CXCR4: variants seen among roughly 807,000 people sequenced by gnomAD.
CXCR4 encodes C-X-C motif chemokine receptor 4, also known as C-X-C chemokine receptor type 4.
CXCR4 carries 6 observed loss-of-function variants against 22.4 expected under a neutral mutation model. The observed-to-expected ratio is 0.27, with a 90% CI of 0.15 to 0.53. The LOEUF (loss-of-function observed/expected upper bound fraction) is 0.53, where lower values mean the gene tolerates loss of function less well. Ranked by LOEUF, CXCR4 falls within the 20% of genes least tolerant of loss-of-function variation. The pLI, the probability that CXCR4 is intolerant of heterozygous loss-of-function variation, is 0.96. For synonymous variants in CXCR4, 155 were observed against 171.7 expected (o/e 0.90, Z 0.76); for missense variants, 300 against 430.4 (o/e 0.70, Z 2.68).
Position 136,118,026 on chromosome 2 carries a change from C to A in CXCR4, c.15+20G>T, listed in dbSNP as rs771337111. On this transcript the variant is annotated intron_variant, in intron 1 of 1. Transcript: ENST00000241393. Reference sequence around the variant, plus strand: ...AAACGTTTGTACATTTATGACAAAGCAGGTTGAAACTGGACTTACACTGAT... The same window carrying A: ...AAACGTTTGTACATTTATGACAAAGAAGGTTGAAACTGGACTTACACTGAT... 6.2e-7 allele frequency: 1 copy of A among 1,613,262 alleles called. No individual in the cohort carries two copies. Among genetic ancestry groups the A allele is most frequent in the Admixed American group, 1.7e-5 (1 of 60,018 alleles).
At chr2:136,116,079 A>G (rs1221077532) in intron 1 of CXCR4, 167 bp from the exon 2 acceptor site, 26 of 1,519,496 alleles carry the variant, frequency 1.7e-5, no homozygotes, top group African/African-American at 2.8e-5. Context: ...GAATCCTACA[A>G]CTCTCCTCCC....
chr2:136,117,652 A>C (rs1316327821), intron 1 of CXCR4: 1 of 193,298 alleles, frequency 5.2e-6, no homozygotes, highest in Non-Finnish European at 1.1e-5. Flanking sequence ...AACTCGCTCC[A>C]AGACATCCCC....
chr2:136,116,280 G>A, intron 1 of CXCR4: 2 of 1,149,576 alleles, frequency 1.7e-6, no homozygotes, highest in African/African-American at 1.6e-5. Flanking sequence ...CACACAAAGA[G>A]GCCACTCCCA....
rs774159824 is a variant in CXCR4 at position 136,115,508 on chromosome 2, G to A, written c.420C>T (p.His140=). ...TCCTTGGCCTCTGACTGTTGGTGGC[G>A]TGGACGATGGCCAGGTAGCGGTCCA... The part of the protein sequence containing the change: ...ISLDRYLAIV[H]ATNSQRPRKL... The change falls in exon 2 of 2, where the codon CAC becomes CAT. Residue 140 remains histidine, a synonymous_variant. Transcript: ENST00000241393. This position sits in a 1 kb window ranked among gnomAD's most constrained non-coding sequence, Gnocchi z 6.4. The A allele has an allele frequency of 1.7e-5, 28 of 1,614,098 alleles. No individual in the cohort carries two copies. The highest frequency in any genetic ancestry group is 1.1e-4 in the African/African-American group (8 of 74,930).
rs910532454 is a variant in CXCR4, at chr2:136,115,453, C to A, written c.475G>T (p.Gly159Cys). The change falls in exon 2 of 2, where the codon GGC becomes TGC. Residue 159 changes from glycine to cysteine, a missense_variant. Around this residue, in one of 3 missense-constraint regions of CXCR4, gnomAD observed 137 missense variants for 153.2 expected, o/e 0.89. Transcript: ENST00000241393. The surrounding 1 kb of genome is among the most constrained non-coding windows in gnomAD (Gnocchi z 6.4). Reference protein sequence around the residue: ...KLLAEKVVYVGVWIPALLLTI... With the variant: ...KLLAEKVVYVCVWIPALLLTI... Reference sequence around the variant, plus strand: ...AGCAGGAGGGCAGGGATCCAGACGCCAACATAGACCACCTTTTCAGCCAAC... The same window carrying A: ...AGCAGGAGGGCAGGGATCCAGACGCAAACATAGACCACCTTTTCAGCCAAC... 2 of 1,614,172 alleles carry A rather than the reference C, an allele frequency of 1.2e-6. No homozygotes were observed. The highest frequency in any genetic ancestry group is 1.7e-6 in the Non-Finnish European group (2 of 1,180,042).
At chr2:136,117,418 T>C (rs1573616518) in intron 1 of CXCR4, 1 of 151,916 alleles carries the variant, frequency 6.6e-6, no homozygotes, top group East Asian at 2.0e-4. Context: ...CACCACTCGA[T>C]CCCCTCAGAG....
intron 1 of CXCR4, among the ~76,000 whole-genome samples, chr2:136,117,378 C>G (rs1045306769): frequency 9.2e-5 from 14 of 152,058 alleles, no homozygotes; most frequent in Non-Finnish European, 7.4e-5. Flanking sequence ...AAACCCAAAG[C>G]GCGCGGGCGG....
chr2:136,114,448 A>G lies in CXCR4; in HGVS notation c.*421T>C, dbSNP rs1049276338. 12 of 238,446 alleles carry G rather than the reference A, an allele frequency of 5.0e-5. No homozygotes were observed. Among genetic ancestry groups the G allele is most frequent in the Admixed American group, 2.1e-4 (4 of 19,232 alleles). The allele number at this position is 238,446 out of a possible 1,614,324, so 14.8% of individuals were successfully genotyped here. On this transcript the variant is annotated 3_prime_UTR_variant, in exon 2 of 2. Coordinates refer to ENST00000241393, the MANE Select transcript of CXCR4 (RefSeq NM_003467.3). ...TGAAAACTGAAAAACCAGCATTTCT[A>G]TACCACTTTGGGCTTTGGTTATAAG...
In CXCR4 at chr2:136,118,052, C is replaced by T; in HGVS notation, c.9G>A (p.Gly3=). Residue 3 remains glycine (G), a synonymous_variant, in exon 1 of 2, where the codon GGG becomes GGA. Transcript: ENST00000241393. ...AGGTTGAAACTGGACTTACACTGAT[C>T]CCCTCCATGGTAACCGCTGGTTCTC... The part of the protein sequence containing the change: ME[G]ISIYTSDNYT... 1.2e-6 allele frequency: 2 copies of T among 1,613,818 alleles called. No individual in the cohort carries two copies. The highest frequency in any genetic ancestry group is 1.7e-6 in the Non-Finnish European group (2 of 1,179,768).
At chr2:136,116,735 A>C (rs917541487) in intron 1 of CXCR4, among the ~76,000 whole-genome samples, 1 of 152,078 alleles carries the variant, frequency 6.6e-6, no homozygotes, top group African/African-American at 2.4e-5. Context: ...CCTCGCCCCA[A>C]GTTTCATTTC....
At chr2:136,117,751 CAAACAGCGTGCA>C (rs1684955837) in intron 1 of CXCR4, 1 of 416,166 alleles carries the variant, frequency 2.4e-6, no homozygotes, top group Admixed American at 4.3e-5. Context: ...CTTACGTTTG[CAAACAGCGTGCA>C]AGCCGCCGCG....
chr2:136,115,462 C>A lies in CXCR4; in HGVS notation c.466G>T (p.Val156Phe), dbSNP rs1442655114. 6 of 1,614,212 alleles carry A rather than the reference C, an allele frequency of 3.7e-6. No individual in the cohort carries two copies. The highest frequency in any genetic ancestry group is 5.1e-6 in the Non-Finnish European group (6 of 1,180,032). Residue 156 changes from valine to phenylalanine, a missense_variant, in exon 2 of 2, where the codon GTC (valine) becomes TTC (phenylalanine). Val to Phe is a conservative substitution (Grantham distance 50). Around this residue, in one of 3 missense-constraint regions of CXCR4, gnomAD observed 137 missense variants for 153.2 expected, o/e 0.89. Coordinates refer to ENST00000241393, the MANE Select transcript of CXCR4 (RefSeq NM_003467.3). This position sits in a 1 kb window ranked among gnomAD's most constrained non-coding sequence, Gnocchi z 6.4. ...RPRKLLAEKV[V>F]YVGVWIPALL... ...GCAGGGATCCAGACGCCAACATAGACCACCTTTTCAGCCAACAGCTTCCTT... is the reference window on the plus strand; with the variant it reads ...GCAGGGATCCAGACGCCAACATAGAACACCTTTTCAGCCAACAGCTTCCTT...
At chr2:136,116,271 A>T in intron 1 of CXCR4, 1 of 1,149,498 alleles carries the variant, frequency 8.7e-7, no homozygotes, top group African/African-American at 1.6e-5. Flanking sequence ...AAAAAAATAC[A>T]CACAAAGAGG....
At position 136,114,692 on chromosome 2, in the gene CXCR4, AAC is replaced by A; in HGVS notation, c.*175_*176del. 1 of 584,010 alleles carries A rather than the reference AAC, an allele frequency of 1.7e-6. No individual in the cohort carries two copies. Among genetic ancestry groups the A allele is most frequent in the Non-Finnish European group, 2.8e-6 (1 of 352,044 alleles). The allele number at this position is 584,010 out of a possible 1,614,324, so 36.2% of individuals were successfully genotyped here. A position where few individuals can be genotyped will look rare whatever the true frequency, so the allele number is the denominator to read the frequency against. ...CCTGCCTAGACACACATCAATATGA[AAC>A]AAAAAAAATTTATATAAATAAGTCA... On this transcript the variant is annotated 3_prime_UTR_variant, in exon 2 of 2. Coordinates refer to ENST00000241393, the MANE Select transcript of CXCR4 (RefSeq NM_003467.3).
Position 136,114,605 on chromosome 2 carries a change from TC to T in CXCR4, c.*263del, listed in dbSNP as rs955717784. 1.4e-5 allele frequency: 5 copies of T among 367,316 alleles called. No individual in the cohort carries two copies. The highest frequency in any genetic ancestry group is 1.0e-4 in the African/African-American group (5 of 48,436). The allele number at this position is 367,316 out of a possible 1,614,324, so 22.8% of individuals were successfully genotyped here. A position where few individuals can be genotyped will look rare whatever the true frequency, so the allele number is the denominator to read the frequency against. On this transcript the variant is annotated 3_prime_UTR_variant, in exon 2 of 2. Coordinates refer to ENST00000241393, the MANE Select transcript of CXCR4 (RefSeq NM_003467.3). ...TGATTCACTACACGCTCTGGAATGT[TC>T]AGTTCCCTTTTCTACAGTCCTACCA...
At chr2:136,116,658 C>T (rs1684903206) in intron 1 of CXCR4, among the ~76,000 whole-genome samples, 1 of 152,140 alleles carries the variant, frequency 6.6e-6, no homozygotes, top group Non-Finnish European at 1.5e-5. Context: ...TCACTTGGCG[C>T]GTTTGGGACG....
Position 136,115,951 on chromosome 2 carries a change from T to G in CXCR4, c.16-39A>C, listed in dbSNP as rs761666854. 6 of 1,614,156 alleles carry G rather than the reference T, an allele frequency of 3.7e-6. No homozygotes were observed. The highest frequency in any genetic ancestry group is 3.4e-6 in the Non-Finnish European group (4 of 1,180,012). ...AAAGGAATGGACATTCACTTCCAAT[T>G]CAGCAAGCATTAACCCAGTTAAAAA... On this transcript the variant is annotated intron_variant, in intron 1 of 1. Coordinates refer to ENST00000241393, the MANE Select transcript of CXCR4 (RefSeq NM_003467.3). The surrounding 1 kb of genome is among the most constrained non-coding windows in gnomAD (Gnocchi z 6.4).
chr2:136,115,220 C>T lies in CXCR4; in HGVS notation c.708G>A (p.Lys236=), dbSNP rs199713103. ...TGAGGATGACTGTGGTCTTGAGGGC[C>T]TTGCGCTTCTGGTGGCCCTTGGAGT... ...LSHSKGHQKR[K]ALKTTVILIL... is the part of the protein sequence containing the mutation. Residue 236 remains lysine (K), a synonymous_variant, in exon 2 of 2, where the codon AAG becomes AAA. Coordinates refer to ENST00000241393, the MANE Select transcript of CXCR4 (RefSeq NM_003467.3). This position sits in a 1 kb window ranked among gnomAD's most constrained non-coding sequence, Gnocchi z 6.4. The T allele has an allele frequency of 5.3e-5, 86 of 1,614,062 alleles. 1 individual carries two copies. In the Admixed American group the frequency reaches 1.1e-3, roughly 21 times the overall value.
rs767838620 is a variant in CXCR4 at position 136,115,930 on chromosome 2, G to C, written c.16-18C>G. ...GTGTATATCTGCAAAAGAGGCAAAG[G>C]AATGGACATTCACTTCCAATTCAGC... On this transcript the variant is annotated intron_variant, in intron 1 of 1. Coordinates refer to ENST00000241393, the MANE Select transcript of CXCR4 (RefSeq NM_003467.3). The surrounding 1 kb of genome is among the most constrained non-coding windows in gnomAD (Gnocchi z 6.4). 6.2e-7 allele frequency: 1 copy of C among 1,614,096 alleles called. No homozygotes were observed. The highest frequency in any genetic ancestry group is 1.7e-5 in the Admixed American group (1 of 60,034).
Sources: gnomAD v4.1 joint callset for allele counts (sites outside exome capture counted in the v4.1 genomes callset) on GRCh38, gnomAD v4.1.1 for gene constraint, gnomAD v4.1.1 regional missense constraint, Gnocchi (gnomAD v3.1) non-coding constraint, MANE v1.5 for transcripts, NCBI Gene and HGNC (gene_info 2026-07-23, HGNC 2026-07-21) for gene names.